CERT1: variants seen among roughly 807,000 people sequenced by gnomAD.
The protein encoded by CERT1 is ceramide transfer protein.
CERT1 carries 31 observed loss-of-function variants against 87.9 expected under a neutral mutation model. That is an observed-to-expected ratio of 0.35 (90% CI 0.27 to 0.48). CERT1 has a LOEUF of 0.48. Ranked by LOEUF, CERT1 falls within the 20% of genes least tolerant of loss-of-function variation. The probability of loss-of-function intolerance (pLI) is 0.99; values close to 1 mark genes in which losing one functional copy is unlikely to be tolerated. For missense variants in CERT1, 487 were observed against 758.0 expected (o/e 0.64, Z 4.20); for synonymous variants, 289 against 250.9 (o/e 1.15, Z -1.44).
At chr5:75,439,594 A>G (rs1764234891) in intron 3 of CERT1, among the ~76,000 whole-genome samples, 1 of 152,084 alleles carries the variant, frequency 6.6e-6, no homozygotes, top group East Asian at 1.9e-4. Flanking sequence ...AAAATACAAG[A>G]TTAAATGTTA....
At chr5:75,509,143 G>C (rs1036001505) in intron 1 of CERT1, among the ~76,000 whole-genome samples, 1 of 151,958 alleles carries the variant, frequency 6.6e-6, no homozygotes, top group Non-Finnish European at 1.5e-5. Flanking sequence ...ATTTACCCAA[G>C]CCCATTCCAA....
chr5:75,509,104 C>T (rs1259776822), intron 1 of CERT1, among the ~76,000 whole-genome samples: 1 of 152,002 alleles, frequency 6.6e-6, no homozygotes, highest in East Asian at 1.9e-4. Context: ...ATGGAAAATA[C>T]CCTTTGAACT....
At chr5:75,487,658 T>C (rs562923316) in intron 2 of CERT1, among the ~76,000 whole-genome samples, 4 of 152,018 alleles carry the variant, frequency 2.6e-5, no homozygotes, top group Non-Finnish European at 4.4e-5. Flanking sequence ...TAAAAAATGG[T>C]TGAAAGATCT....
chr5:75,387,023 A>G (rs952722444), intron 12 of CERT1, among the ~76,000 whole-genome samples: 1 of 151,980 alleles, frequency 6.6e-6, no homozygotes, highest in African/African-American at 2.4e-5. Flanking sequence ...GCCTGCCACT[A>G]CGCCCAGCTA....
At chr5:75,455,801 A>C (rs1478370665) in intron 3 of CERT1, among the ~76,000 whole-genome samples, 2 of 152,224 alleles carry the variant, frequency 1.3e-5, no homozygotes, top group Non-Finnish European at 2.9e-5. Context: ...GAATTAACAC[A>C]AAATTGAATA....
chr5:75,407,549 A>C (rs1223964822), intron 8 of CERT1, among the ~76,000 whole-genome samples: 2 of 151,958 alleles, frequency 1.3e-5, no homozygotes, highest in Admixed American at 6.5e-5. Flanking sequence ...AACAAACAAA[A>C]AAAACGAATA....
At chr5:75,468,935 A>C (rs1284233272) in intron 2 of CERT1, among the ~76,000 whole-genome samples, 1 of 152,210 alleles carries the variant, frequency 6.6e-6, no homozygotes, top group Admixed American at 6.5e-5. Context: ...GACCTTATCA[A>C]ACAGACAAAA....
At chr5:75,421,656 A>T (rs1233142031) in intron 5 of CERT1, among the ~76,000 whole-genome samples, 1 of 152,206 alleles carries the variant, frequency 6.6e-6, no homozygotes, top group Non-Finnish European at 1.5e-5. Context: ...CATGCTGACC[A>T]TCAGTTGAAG....
At chr5:75,511,836 G>A (rs1768029670), upstream of CERT1, 2 of 1,548,848 alleles carry the variant, frequency 1.3e-6, no homozygotes, top group Non-Finnish European at 8.7e-7. Context: ...GGATGCAGCT[G>A]TGCTGCATTC....
At position 75,404,291 on chromosome 5, in the gene CERT1, TAAAA is replaced by T. The variant is rs11349407; in HGVS notation, c.931-1237_931-1234del. On this transcript the variant is annotated intron_variant, in intron 8 of 16. Transcript: ENST00000643780. ...ACTCAGTCCCCTACAACCTACTTCA[TAAAA>T]AAAAAAAAAAAAAAAAAAACAACTT... Among the ~76,000 whole-genome samples, 250 of 84,062 alleles carry T rather than the reference TAAAA, an allele frequency of 3.0e-3. 1 individual carries two copies. The highest frequency in any genetic ancestry group is 9.9e-3 in the African/African-American group (229 of 23,118). The allele number at this position is 84,062 out of a possible 152,430, so 55.1% of individuals were successfully genotyped here. A position where few individuals can be genotyped will look rare whatever the true frequency, so the allele number is the denominator to read the frequency against.
chr5:75,494,448 T>C (rs1766962381), intron 2 of CERT1, among the ~76,000 whole-genome samples: 1 of 152,202 alleles, frequency 6.6e-6, no homozygotes, highest in Admixed American at 6.5e-5. Flanking sequence ...ATCCCTCCTC[T>C]GTATTCAGTG....
chr5:75,461,141 C>A (rs1263163276), intron 2 of CERT1, among the ~76,000 whole-genome samples: 1 of 152,032 alleles, frequency 6.6e-6, no homozygotes, highest in African/African-American at 2.4e-5. Flanking sequence ...AGCAGGAGTC[C>A]CCAGACTCTA....
intron 3 of CERT1, among the ~76,000 whole-genome samples, chr5:75,437,225 G>A (rs1442356459): frequency 6.6e-6 from 1 of 152,124 alleles, no homozygotes; most frequent in Non-Finnish European, 1.5e-5. Context: ...TACTAACGGT[G>A]TCTTCACTAT....
intron 2 of CERT1, among the ~76,000 whole-genome samples, chr5:75,488,007 A>G (rs1242766302): frequency 1.3e-5 from 2 of 152,124 alleles, no homozygotes; most frequent in Non-Finnish European, 2.9e-5. Context: ...AAAAATAAAA[A>G]GAATTGAACT....
chr5:75,504,763 T>C (rs1380051051), intron 2 of CERT1, among the ~76,000 whole-genome samples: 2 of 152,054 alleles, frequency 1.3e-5, no homozygotes, highest in Non-Finnish European at 2.9e-5. Context: ...TTTTTTTTTT[T>C]TTTTTTGGCC....
downstream of CERT1, chr5:75,376,556 G>A (rs1355922483): frequency 6.6e-6 from 1 of 152,160 alleles, no homozygotes; most frequent in African/African-American, 2.4e-5. Context: ...TGATAAATAT[G>A]GCACAGACTC....
chr5:75,472,926 A>C (rs1424205032), intron 2 of CERT1, among the ~76,000 whole-genome samples: 1 of 152,210 alleles, frequency 6.6e-6, no homozygotes, highest in African/African-American at 2.4e-5. Context: ...TCTAAAGTAA[A>C]TAAAATCAGT....
intron 11 of CERT1, among the ~76,000 whole-genome samples, chr5:75,390,402 T>C (rs1368444799): frequency 6.6e-6 from 1 of 152,198 alleles, no homozygotes; most frequent in Non-Finnish European, 1.5e-5. Context: ...CATTTACATA[T>C]AATCACCTTT....
intron 4 of CERT1, among the ~76,000 whole-genome samples, chr5:75,425,788 C>T (rs1453205833): frequency 3.3e-5 from 5 of 152,122 alleles, no homozygotes; most frequent in Non-Finnish European, 7.4e-5. Flanking sequence ...TGACAGTTTG[C>T]AAATATAACA....
Sources: allele counts gnomAD v4.1 joint callset (sites outside exome capture counted in the v4.1 genomes callset), GRCh38; gene constraint gnomAD v4.1.1; transcripts MANE v1.5; gene names NCBI Gene and HGNC (gene_info 2026-07-23, HGNC 2026-07-21).